FOXP2: variants seen among roughly 807,000 people sequenced by gnomAD.
FOXP2 encodes forkhead box protein P2.
Under a neutral mutation model 115.8 loss-of-function variants are expected in FOXP2, and 12 were observed. The observed-to-expected ratio is 0.10, with a 90% CI of 0.07 to 0.17. FOXP2 has a LOEUF of 0.17. Among genes scored for constraint, FOXP2 ranks in the 10% least tolerant of loss-of-function variants. The pLI, the probability that FOXP2 is intolerant of heterozygous loss-of-function variation, is 1.00. For missense variants in FOXP2, 629 were observed against 843.5 expected (o/e 0.75, Z 3.15); for synonymous variants, 328 against 297.7 (o/e 1.10, Z -1.05).
intron 14 of FOXP2, 80 bp downstream of exon 14, chr7:114,662,266 G>T: frequency 6.3e-7 from 1 of 1,586,912 alleles, no homozygotes; most frequent in Non-Finnish European, 8.6e-7. Flanking sequence ...GCTGGGGTGG[G>T]GAGACAGTTA....
intron 1 of FOXP2, among the ~76,000 whole-genome samples, chr7:114,156,374 C>G (rs946294608): frequency 1.2e-4 from 19 of 152,118 alleles, no homozygotes; most frequent in African/African-American, 4.6e-4. Flanking sequence ...CTGAAGCCAG[C>G]TACCTGGAGG....
chr7:114,254,237 C>T (rs538207183), intron 1 of FOXP2, among the ~76,000 whole-genome samples: 2 of 152,230 alleles, frequency 1.3e-5, no homozygotes, highest in African/African-American at 4.8e-5. Flanking sequence ...TTTTTTCCTT[C>T]ATTTCAACTT....
intron 7 of FOXP2, 88 bp from the exon 8 acceptor site, chr7:114,644,597 G>C: frequency 9.2e-7 from 1 of 1,082,878 alleles, no homozygotes. Context: ...TGACCTGTTT[G>C]TCACTGATCG....
At chr7:114,140,800 C>G (rs529647720) in intron 1 of FOXP2, among the ~76,000 whole-genome samples, 3 of 152,178 alleles carry the variant, frequency 2.0e-5, no homozygotes, top group Non-Finnish European at 2.9e-5. Context: ...CTCCTTTAGC[C>G]ACCCTGAGGG....
upstream of FOXP2, among the ~76,000 whole-genome samples, chr7:114,412,922 A>C (rs1793200534): frequency 1.3e-5 from 2 of 152,124 alleles, no homozygotes; most frequent in Non-Finnish European, 2.9e-5. Flanking sequence ...AGGAGATGCA[A>C]ATATTTTACT....
At chr7:114,341,960 T>G (rs535675667) in intron 2 of FOXP2, among the ~76,000 whole-genome samples, 58 of 151,490 alleles carry the variant, frequency 3.8e-4, no homozygotes, top group Non-Finnish European at 6.5e-4. Flanking sequence ...AATTTAGGGT[T>G]CTATTCCTGT....
intron 2 of FOXP2, among the ~76,000 whole-genome samples, chr7:114,497,144 T>A (rs146564692): frequency 6.6e-6 from 1 of 152,298 alleles, no homozygotes; most frequent in East Asian, 1.9e-4. Context: ...GACAGTGATG[T>A]AATCTAGACT....
At chr7:114,639,989 C>T (rs560455909) in intron 6 of FOXP2, among the ~76,000 whole-genome samples, 1 of 152,044 alleles carries the variant, frequency 6.6e-6, no homozygotes, top group South Asian at 2.1e-4. Context: ...AGAGTAAATT[C>T]ATATATTCAA....
At chr7:114,667,832 T>C (rs1469377842) in intron 16 of FOXP2, 3 of 152,100 alleles carry the variant, frequency 2.0e-5, no homozygotes, top group African/African-American at 7.2e-5. Flanking sequence ...GAAACTCATG[T>C]ATAGGAGAAT....
upstream of FOXP2, chr7:114,086,706 G>C: frequency 4.3e-6 from 1 of 233,216 alleles, no homozygotes; most frequent in Non-Finnish European, 8.6e-6. Context: ...ACTTTACTCT[G>C]CTCCGCGCTC....
intron 16 of FOXP2, among the ~76,000 whole-genome samples, chr7:114,680,097 A>G (rs1808006562): frequency 1.3e-5 from 2 of 152,284 alleles, no homozygotes; most frequent in East Asian, 3.9e-4. Context: ...CAAACTTTAT[A>G]TCTCTCCATT....
rs1370721491 is a variant in FOXP2 at position 114,531,094 on chromosome 7, G to A, written c.169-3523G>A. Among the ~76,000 whole-genome samples the A allele has an allele frequency of 6.6e-5, 10 of 151,782 alleles. 1 individual carries two copies. The South Asian group carries it at 1.2e-3, about 19-fold the overall frequency. On this transcript the variant is annotated intron_variant, in intron 2 of 16. Coordinates refer to ENST00000350908, the MANE Select transcript of FOXP2 (RefSeq NM_014491.4). ...AAATGTGTTTTTGGAAACTAGATATGGTTTGGCTGCCTTCGAAATCTCTTT... is the reference window on the plus strand; with the variant it reads ...AAATGTGTTTTTGGAAACTAGATATAGTTTGGCTGCCTTCGAAATCTCTTT...
At chr7:114,514,179 C>A (rs1002469364) in intron 2 of FOXP2, among the ~76,000 whole-genome samples, 2 of 151,738 alleles carry the variant, frequency 1.3e-5, no homozygotes, top group Admixed American at 6.6e-5. Context: ...TATATACATG[C>A]TGTTTTCATA....
intron 2 of FOXP2, among the ~76,000 whole-genome samples, chr7:114,509,165 G>T (rs765950866): frequency 5.3e-5 from 8 of 152,118 alleles, no homozygotes; most frequent in Non-Finnish European, 2.9e-5. Flanking sequence ...AGTCTTCAGG[G>T]TAGCAACTGG....
At chr7:114,357,646 T>C (rs1562885356) in intron 2 of FOXP2, among the ~76,000 whole-genome samples, 1 of 152,136 alleles carries the variant, frequency 6.6e-6, no homozygotes, top group Admixed American at 6.6e-5. Flanking sequence ...CTTCAGTAAA[T>C]GCCTTCATCA....
intron 1 of FOXP2, among the ~76,000 whole-genome samples, chr7:114,147,546 G>T (rs1033696605): frequency 6.6e-6 from 1 of 152,070 alleles, no homozygotes; most frequent in African/African-American, 2.4e-5. Flanking sequence ...TGCACCAAAA[G>T]GCTCCTCCAA....
At chr7:114,220,089 T>C (rs1794585482) in intron 1 of FOXP2, among the ~76,000 whole-genome samples, 1 of 151,406 alleles carries the variant, frequency 6.6e-6, no homozygotes, top group South Asian at 2.1e-4. Context: ...CAGGATGGAC[T>C]TGATGTCCTG....
intron 2 of FOXP2, among the ~76,000 whole-genome samples, chr7:114,362,719 A>T (rs992834125): frequency 6.6e-6 from 1 of 152,128 alleles, no homozygotes; most frequent in Non-Finnish European, 1.5e-5. Flanking sequence ...TTCAGTAAGC[A>T]TATGCTATAA....
intron 2 of FOXP2, among the ~76,000 whole-genome samples, chr7:114,346,833 A>G (rs1368676822): frequency 6.6e-6 from 1 of 151,772 alleles, no homozygotes; most frequent in African/African-American, 2.4e-5. Flanking sequence ...GTCAAAAGGG[A>G]CAAAGCTACA....
Sources: gnomAD v4.1 joint callset for allele counts (sites outside exome capture counted in the v4.1 genomes callset) on GRCh38, gnomAD v4.1.1 for gene constraint, MANE v1.5 for transcripts, NCBI Gene and HGNC (gene_info 2026-07-23, HGNC 2026-07-21) for gene names.